ADGRG2: variants seen among roughly 807,000 people sequenced by gnomAD.
The protein encoded by ADGRG2 is adhesion G protein-coupled receptor G2.
A neutral mutation model predicts 74.1 loss-of-function variants in ADGRG2; 26 were observed. The ratio of observed to expected loss-of-function variants is 0.35; its 90% CI spans 0.26 to 0.49. The LOEUF is 0.49. Among genes scored for constraint, ADGRG2 ranks in the 20% least tolerant of loss-of-function variants. The probability of loss-of-function intolerance (pLI) is 0.99; values close to 1 mark genes in which losing one functional copy is unlikely to be tolerated. For missense variants in ADGRG2, 619 were observed against 763.1 expected, an observed-to-expected ratio of 0.81 and a Z score of 2.22; for synonymous variants, 296 against 295.2, an observed-to-expected ratio of 1.00 and a Z score of -0.03.
chrX:19,041,404 C>A (rs146203823), intron 3 of ADGRG2, among the ~76,000 whole-genome samples: 1 of 111,920 alleles, frequency 8.9e-6, no homozygotes, highest in Non-Finnish European at 1.9e-5. Context: ...TCCCCAAATA[C>A]TGACCCACAT....
In ADGRG2 at chrX:19,003,112, T is replaced by C; in HGVS notation, c.1964A>G (p.Lys655Arg). ...VTLVTYIAFE[K>R]IRRDYPSKIL... ...TTTGGAAGGGTAATCCCTCCGGATC[T>C]TTCTAAAAGGAAAGGATGAGAACAA... is the stretch of plus-strand genomic sequence containing the variant. Residue 655 changes from lysine to arginine, a missense_variant and splice_region_variant, in exon 24 of 29, where the codon AAG (lysine) becomes AGG (arginine). By Grantham distance (26) the Lys-to-Arg change is conservative. Coordinates refer to ENST00000379869, the MANE Select transcript of ADGRG2 (RefSeq NM_001079858.3). 1 of 1,192,491 alleles carries C rather than the reference T, an allele frequency of 8.4e-7. No individual in the cohort carries two copies. The highest frequency in any genetic ancestry group is 3.0e-5 in the East Asian group (1 of 33,734).
At chrX:19,023,031 C>T (rs1392545708) in intron 13 of ADGRG2, among the ~76,000 whole-genome samples, 1 of 111,739 alleles carries the variant, frequency 8.9e-6, no homozygotes, top group African/African-American at 3.3e-5. Flanking sequence ...TCTTTTCCTT[C>T]CCCCTCTTTC....
At chrX:19,058,162 A>G (rs1381326290) in intron 3 of ADGRG2, among the ~76,000 whole-genome samples, 1 of 112,168 alleles carries the variant, frequency 8.9e-6, no homozygotes, top group Non-Finnish European at 1.9e-5. Flanking sequence ...TATTCTTTTA[A>G]TCCCATTTTT....
chrX:19,082,426 C>T (rs1225358252), intron 2 of ADGRG2, among the ~76,000 whole-genome samples: 2 of 111,723 alleles, frequency 1.8e-5, no homozygotes, highest in African/African-American at 6.5e-5. Context: ...ACTTCAAAAT[C>T]GGTACCCATT....
chrX:19,115,662 G>T (rs979567951), intron 1 of ADGRG2, among the ~76,000 whole-genome samples: 2 of 111,477 alleles, frequency 1.8e-5, no homozygotes, highest in Non-Finnish European at 3.8e-5. Flanking sequence ...GGGATTGATT[G>T]TAAGTGTGGT....
chrX:19,044,787 T>G (rs906282005), intron 3 of ADGRG2, among the ~76,000 whole-genome samples: 1 of 111,811 alleles, frequency 8.9e-6, no homozygotes, highest in Non-Finnish European at 1.9e-5. Context: ...CATGGGGCTG[T>G]TGCAAGGATT....
At chrX:19,030,365 C>A (rs2146687023) in intron 9 of ADGRG2, among the ~76,000 whole-genome samples, 1 of 112,196 alleles carries the variant, frequency 8.9e-6, no homozygotes, top group Admixed American at 9.5e-5. Flanking sequence ...TGTTTCATTC[C>A]GTCTGGCCCA....
intron 22 of ADGRG2, among the ~76,000 whole-genome samples, chrX:19,005,447 A>G (rs2060208851): frequency 8.9e-6 from 1 of 112,337 alleles, no homozygotes; most frequent in Non-Finnish European, 1.9e-5. Flanking sequence ...AATTATTTAA[A>G]AGAGAAAAAC....
intron 3 of ADGRG2, among the ~76,000 whole-genome samples, chrX:19,046,240 C>T (rs189972306): frequency 1.8e-4 from 20 of 112,104 alleles, no homozygotes; most frequent in African/African-American, 6.5e-4. Flanking sequence ...AATTTTTCAC[C>T]TTGTTTTACA....
At chrX:19,117,135 CA>C (rs1204499895) in intron 1 of ADGRG2, among the ~76,000 whole-genome samples, 8 of 104,823 alleles carry the variant, frequency 7.6e-5, no homozygotes, top group South Asian at 4.2e-4. Context: ...ACTAAAAATA[CA>C]AAAAAAAAAT....
chrX:19,024,408 C>T lies in ADGRG2; in HGVS notation c.471-460G>A, dbSNP rs147079835. On this transcript the variant is annotated intron_variant, in intron 11 of 28. Coordinates refer to ENST00000379869, the MANE Select transcript of ADGRG2 (RefSeq NM_001079858.3). ...CAACGCTGCCTTCCCCTCCTCACAA[C>T]TCCCCCTTAGGAAATTCTCTCTTTC... Among the ~76,000 whole-genome samples the T allele has an allele frequency of 4.5e-3, 507 of 111,808 alleles. 3 individuals are homozygous for T. Among genetic ancestry groups the T allele is most frequent in the African/African-American group, 0.015 (469 of 30,766 alleles).
chrX:19,104,788 G>C (rs968912106), intron 1 of ADGRG2, among the ~76,000 whole-genome samples: 3 of 104,704 alleles, frequency 2.9e-5, no homozygotes, highest in African/African-American at 7.0e-5. Context: ...GTGGTGGCGG[G>C]TGCCTGTAGT....
chrX:19,118,419 C>G (rs1401855408), intron 1 of ADGRG2, among the ~76,000 whole-genome samples: 1 of 112,411 alleles, frequency 8.9e-6, no homozygotes, highest in Non-Finnish European at 1.9e-5. Flanking sequence ...GAGTTTCACT[C>G]TTATTGCCTA....
chrX:19,109,846 A>G (rs2062380692), intron 1 of ADGRG2, among the ~76,000 whole-genome samples: 1 of 111,910 alleles, frequency 8.9e-6, no homozygotes, highest in South Asian at 3.7e-4. Context: ...ATGTGACACT[A>G]ATGATCCCTG....
At chrX:19,083,170 ATTTTTTTTT>A (rs58522004) in intron 1 of ADGRG2, among the ~76,000 whole-genome samples, 3 of 83,191 alleles carry the variant, frequency 3.6e-5, no homozygotes, top group African/African-American at 4.8e-5. Context: ...CACCCGGCTA[ATTTTTTTTT>A]TTTTTTTTTT....
intron 3 of ADGRG2, among the ~76,000 whole-genome samples, chrX:19,059,383 T>C (rs2061450116): frequency 8.9e-6 from 1 of 111,941 alleles, no homozygotes; most frequent in Non-Finnish European, 1.9e-5. Context: ...TGTTTCTTTC[T>C]GGGTAACCTA....
chrX:19,062,768 A>G (rs953956886), intron 3 of ADGRG2, among the ~76,000 whole-genome samples: 2 of 110,563 alleles, frequency 1.8e-5, no homozygotes, highest in Non-Finnish European at 3.8e-5. Flanking sequence ...CAGAGAGGGG[A>G]ATTATAGAGG....
At chrX:19,012,918 A>G (rs1382602043) in intron 16 of ADGRG2, among the ~76,000 whole-genome samples, 4 of 111,263 alleles carry the variant, frequency 3.6e-5, no homozygotes, top group Non-Finnish European at 5.7e-5. Context: ...TTATCTCTGT[A>G]CCACTAAGCC....
At chrX:19,031,928 G>T (rs894927482) in intron 8 of ADGRG2, 1 of 112,211 alleles carries the variant, frequency 8.9e-6, no homozygotes, top group African/African-American at 3.2e-5. Context: ...AGGAGCAAAT[G>T]CTGATAATGT....
Sources: allele counts gnomAD v4.1 joint callset (sites outside exome capture counted in the v4.1 genomes callset), GRCh38; gene constraint gnomAD v4.1.1; transcripts MANE v1.5; gene names NCBI Gene and HGNC (gene_info 2026-07-23, HGNC 2026-07-21).